WNK1: variants seen among roughly 807,000 people sequenced by gnomAD.
The protein encoded by WNK1 is WNK lysine deficient protein kinase 1.
Under a neutral mutation model 222.8 loss-of-function variants are expected in WNK1, and 38 were observed. That is an observed-to-expected ratio of 0.17 (90% CI 0.13 to 0.22). The LOEUF (loss-of-function observed/expected upper bound fraction) is 0.22. Ranked by LOEUF, WNK1 falls within the 10% of genes least tolerant of loss-of-function variation. WNK1 has a pLI of 1.00. For missense variants in WNK1, 2,348 were observed against 2,918.4 expected, an observed-to-expected ratio of 0.80 and a Z score of 4.50; for synonymous variants, 1,090 against 1,092.9, an observed-to-expected ratio of 1.00 and a Z score of 0.05.
intron 1 of WNK1, among the ~76,000 whole-genome samples, chr12:775,899 C>T (rs1462730994): frequency 2.6e-5 from 4 of 152,258 alleles, no homozygotes; most frequent in African/African-American, 9.6e-5. Flanking sequence ...GTTCAACAAA[C>T]GTAGAAGTGG....
rs995305430 is a variant in WNK1 at position 910,883 on chromosome 12, G to GATT, written c.*2092_*2094dup. The GATT allele has an allele frequency of 1.9e-5, 3 of 158,660 alleles. No individual in the cohort carries two copies. The highest frequency in any genetic ancestry group is 7.2e-5 in the African/African-American group (3 of 41,770). The allele number at this position is 158,660 out of a possible 1,614,324, so 9.8% of individuals were successfully genotyped here. A position where few individuals can be genotyped will look rare whatever the true frequency, so the allele number is the denominator to read the frequency against. On this transcript the variant is annotated 3_prime_UTR_variant, in exon 28 of 28. Coordinates refer to ENST00000315939, the MANE Select transcript of WNK1 (RefSeq NM_018979.4). ...AGGGCTTCCACCCCTGCTTTAAAAT[G>GATT]ATTTATTTATTCTCTGCTTGTATTT... is the stretch of plus-strand genomic sequence containing the variant.
At chr12:820,640 A>G (rs1378201088) in intron 2 of WNK1, among the ~76,000 whole-genome samples, 2 of 151,678 alleles carry the variant, frequency 1.3e-5, no homozygotes, top group African/African-American at 4.8e-5. Flanking sequence ...ATGCCTGGCT[A>G]ATTTTTAAAT....
rs556484003 is a variant in WNK1, at chr12:911,321, C to A, written c.*2529C>A. 22 of 398,448 alleles carry A rather than the reference C, an allele frequency of 5.5e-5. No individual in the cohort carries two copies. Among genetic ancestry groups the A allele is most frequent in the Admixed American group, 1.3e-4 (3 of 22,726 alleles). 24.7% of individuals were successfully genotyped at this position (398,448 alleles called of 1,614,324 possible). A position where few individuals can be genotyped will look rare whatever the true frequency, so the allele number is the denominator to read the frequency against. On this transcript the variant is annotated 3_prime_UTR_variant, in exon 28 of 28. Transcript: ENST00000315939. ...TCAAACTTTGGGGGTTTCTCAGCAG[C>A]CGTTAATTGTACATTTTGCACTAAC...
At position 885,590 on chromosome 12, in the gene WNK1, C is replaced by A. The variant is rs1953576395; in HGVS notation, c.4786C>A (p.Gln1596Lys). 1 of 1,614,014 alleles carries A rather than the reference C, an allele frequency of 6.2e-7. No homozygotes were observed. The highest frequency in any genetic ancestry group is 8.5e-7 in the Non-Finnish European group (1 of 1,180,030). ...AGPTSTPLLP[Q>K]VPSIPPLVQP... ...ACCTACTTCTACACCTTTATTACCCCAAGTACCTAGTATCCCACCCTTGGT... is the reference window on the plus strand; with the variant it reads ...ACCTACTTCTACACCTTTATTACCCAAAGTACCTAGTATCCCACCCTTGGT... The change falls in exon 19 of 28, where the codon CAA becomes AAA. Residue 1596 changes from glutamine to lysine, a missense_variant. Gln to Lys is a moderately conservative substitution (Grantham distance 53, BLOSUM62 1). Around this residue, in one of 13 missense-constraint regions of WNK1, gnomAD observed 1,144 missense variants for 1,273.6 expected, o/e 0.90. Coordinates refer to ENST00000315939, the MANE Select transcript of WNK1 (RefSeq NM_018979.4).
chr12:895,606 ACGCTACCATG>A (rs1367895917), intron 23 of WNK1, among the ~76,000 whole-genome samples: 1 of 151,902 alleles, frequency 6.6e-6, no homozygotes, highest in Admixed American at 6.6e-5. Context: ...TTACAGGCAC[ACGCTACCATG>A]CCTGGCTAAT....
In WNK1 at chr12:884,983, A is replaced by G. The variant is rs1285753817; in HGVS notation, c.4179A>G (p.Val1393=). 6.2e-7 allele frequency: 1 copy of G among 1,614,088 alleles called. No homozygotes were observed. Among genetic ancestry groups the G allele is most frequent in the Non-Finnish European group, 8.5e-7 (1 of 1,180,056 alleles). ...GAGTTGCCACCAGCACAGGTGTGGT[A>G]ACTTCAGGTGGTCTCCCCATACCAC... ...IAGVATSTGV[V]TSGGLPIPPV... Residue 1393 remains valine, a synonymous_variant, in exon 19 of 28, where the codon GTA becomes GTG. Coordinates refer to ENST00000315939, the MANE Select transcript of WNK1 (RefSeq NM_018979.4). This position sits in a 1 kb window ranked among gnomAD's most constrained non-coding sequence, Gnocchi z 5.6.
At chr12:864,120 T>G (rs1003365167) in intron 8 of WNK1, among the ~76,000 whole-genome samples, 4 of 148,624 alleles carry the variant, frequency 2.7e-5, no homozygotes, top group Non-Finnish European at 4.5e-5. Context: ...GTTTTTTTTT[T>G]TTTTTTTGAC....
chr12:813,909 C>A, intron 2 of WNK1, 95 bp downstream of exon 2: 2 of 1,340,124 alleles, frequency 1.5e-6, no homozygotes, highest in Non-Finnish European at 2.1e-6. Flanking sequence ...GGTTGTTCAG[C>A]CTAAGAAGGG....
At position 753,605 on chromosome 12, in the gene WNK1, G is replaced by A; in HGVS notation, c.40G>A (p.Gly14Ser). The change falls in exon 1 of 28, where the codon GGT becomes AGT. Residue 14 changes from glycine (G) to serine (S), a missense_variant. By Grantham distance (56) the Gly-to-Ser change is moderately conservative. Coordinates refer to ENST00000315939, the MANE Select transcript of WNK1 (RefSeq NM_018979.4). This position sits in a 1 kb window ranked among gnomAD's most constrained non-coding sequence, Gnocchi z 5.2. The part of the protein sequence containing the change: ...GAAEKQSSTP[G>S]SLFLSPPAPA... ...CGCAGAGAAGCAGAGCAGCACTCCCGGTTCCCTGTTCCTCTCGCCGCCGGC... is the reference window on the plus strand; with the variant it reads ...CGCAGAGAAGCAGAGCAGCACTCCCAGTTCCCTGTTCCTCTCGCCGCCGGC... The A allele has an allele frequency of 1.9e-6, 3 of 1,612,728 alleles. No individual in the cohort carries two copies. The highest frequency in any genetic ancestry group is 2.5e-6 in the Non-Finnish European group (3 of 1,179,912).
chr12:762,429 A>G (rs1941152840), intron 1 of WNK1, among the ~76,000 whole-genome samples: 1 of 147,778 alleles, frequency 6.8e-6, no homozygotes, highest in Non-Finnish European at 1.5e-5. Flanking sequence ...TTTATACTGT[A>G]GTGTTTTAAA....
At chr12:810,294 T>C (rs1268712532) in intron 1 of WNK1, among the ~76,000 whole-genome samples, 1 of 151,992 alleles carries the variant, frequency 6.6e-6, no homozygotes, top group Non-Finnish European at 1.5e-5. Flanking sequence ...TAAGTCAGTG[T>C]GGTGCAGAAA....
chr12:760,194 T>C (rs1940820453), intron 1 of WNK1, among the ~76,000 whole-genome samples: 1 of 148,190 alleles, frequency 6.7e-6, no homozygotes, highest in Non-Finnish European at 1.5e-5. Context: ...GATCCTTGTC[T>C]CATCTTTGCA....
chr12:867,239 T>C (rs1422362211), intron 8 of WNK1, among the ~76,000 whole-genome samples: 1 of 152,238 alleles, frequency 6.6e-6, no homozygotes, highest in Non-Finnish European at 1.5e-5. Context: ...ATAAAACTAT[T>C]AATCATCTAG....
intron 1 of WNK1, among the ~76,000 whole-genome samples, chr12:772,769 G>A (rs1942682635): frequency 1.3e-5 from 2 of 152,098 alleles, no homozygotes; most frequent in African/African-American, 4.8e-5. Context: ...AAGTTTAGAA[G>A]TCATGGTTGA....
At chr12:832,496 T>G (rs1948876912) in intron 4 of WNK1, among the ~76,000 whole-genome samples, 1 of 152,210 alleles carries the variant, frequency 6.6e-6, no homozygotes, top group Non-Finnish European at 1.5e-5. Context: ...TGAATATTCC[T>G]TCAATATCCT....
At chr12:876,348 G>T (rs1952608481) in intron 9 of WNK1, among the ~76,000 whole-genome samples, 2 of 152,170 alleles carry the variant, frequency 1.3e-5, no homozygotes, top group South Asian at 4.1e-4. Flanking sequence ...GGCGGAACTT[G>T]CAGTGAGCCA....
chr12:787,502 G>A (rs1489284182), intron 1 of WNK1, among the ~76,000 whole-genome samples: 3 of 152,170 alleles, frequency 2.0e-5, no homozygotes, highest in East Asian at 1.9e-4. Context: ...GTCAATAAAT[G>A]TTAGCTATTA....
In WNK1 at chr12:825,229, A is replaced by C. The variant is rs369948056; in HGVS notation, c.933-1813A>C. 2.3e-4 allele frequency among the ~76,000 whole-genome samples: 35 copies of C among 152,266 alleles called. No homozygotes were observed. The South Asian group carries it at 7.2e-3, about 32-fold the overall frequency. On this transcript the variant is annotated intron_variant, in intron 2 of 27. Transcript: ENST00000315939. ...CTCCATCCAGCATGACTGTTTTGAT[A>C]TATTTTTTAAACCATAAAACCCACT...
chr12:859,223 T>C (rs759760350), intron 5 of WNK1, 22 bp from the exon 6 acceptor site: 35 of 1,588,426 alleles, frequency 2.2e-5, no homozygotes, highest in Non-Finnish European at 3.0e-5. Flanking sequence ...TTTGTTCCTT[T>C]TCTTTTCCCT....
Sources: allele counts gnomAD v4.1 joint callset (sites outside exome capture counted in the v4.1 genomes callset), GRCh38; gene constraint gnomAD v4.1.1; regional missense constraint gnomAD v4.1.1; non-coding constraint Gnocchi (gnomAD v3.1); transcripts MANE v1.5; gene names NCBI Gene and HGNC (gene_info 2026-07-23, HGNC 2026-07-21).